Variants in RAP1GAP2 observed in about 807,000 individuals in gnomAD.
RAP1GAP2 encodes the protein rap1 GTPase-activating protein 2.
In RAP1GAP2, 27 loss-of-function variants were observed where a neutral mutation model predicts 95.0. That is an observed-to-expected ratio of 0.28 (90% CI 0.21 to 0.39). The LOEUF (loss-of-function observed/expected upper bound fraction) is 0.39. Among genes scored for constraint, RAP1GAP2 ranks in the 10% least tolerant of loss-of-function variants. The pLI is 1.00. For synonymous variants in RAP1GAP2, 373 were observed against 380.9 expected, an observed-to-expected ratio of 0.98 and a Z score of 0.24; for missense variants, 771 against 970.0, an observed-to-expected ratio of 0.79 and a Z score of 2.72.
At position 3,017,996 on chromosome 17, in the gene RAP1GAP2, G is replaced by A. The variant is rs761225168; in HGVS notation, c.1495-65G>A. On this transcript the variant is annotated intron_variant, in intron 17 of 24. Coordinates refer to ENST00000254695, the MANE Select transcript of RAP1GAP2 (RefSeq NM_015085.5). Reference sequence around the variant, plus strand: ...TGAGGGCTGTGTCTACAGACCCCACGAGGAGGGCAGAGTCATCCGGAGAGC... The same window carrying A: ...TGAGGGCTGTGTCTACAGACCCCACAAGGAGGGCAGAGTCATCCGGAGAGC... 39 of 1,508,718 alleles carry A rather than the reference G, an allele frequency of 2.6e-5. 1 individual carries two copies. Among genetic ancestry groups the A allele is most frequent in the South Asian group, 1.5e-4 (12 of 79,516 alleles). 93.5% of individuals were successfully genotyped at this position (1,508,718 alleles called of 1,614,324 possible).
chr17:2,882,020 C>G (rs887213907), intron 2 of RAP1GAP2, among the ~76,000 whole-genome samples: 11 of 150,592 alleles, frequency 7.3e-5, no homozygotes, highest in African/African-American at 2.4e-4. Context: ...TGGGGTTTCA[C>G]TGTGTTAGCC....
intron 2 of RAP1GAP2, among the ~76,000 whole-genome samples, chr17:2,887,768 G>A (rs914215421): frequency 1.3e-5 from 2 of 150,386 alleles, no homozygotes; most frequent in Admixed American, 1.3e-4. Flanking sequence ...TATGCCTCCC[G>A]GGTTCAAGCA....
At chr17:3,009,199 G>A (rs2046432026) in intron 17 of RAP1GAP2, among the ~76,000 whole-genome samples, 3 of 152,160 alleles carry the variant, frequency 2.0e-5, no homozygotes, top group Non-Finnish European at 4.4e-5. Context: ...CCCTGTCAGA[G>A]CCATTGTGCG....
chr17:2,844,218 C>T (rs531377217), intron 2 of RAP1GAP2, among the ~76,000 whole-genome samples: 10 of 152,108 alleles, frequency 6.6e-5, no homozygotes, highest in South Asian at 2.1e-4. Context: ...GATGGTGTTT[C>T]GCCATTTTAA....
chr17:2,834,581 G>A (rs115386473), intron 2 of RAP1GAP2, among the ~76,000 whole-genome samples: 3,079 of 152,202 alleles, frequency 0.02, 96 homozygotes, highest in African/African-American at 0.07. Flanking sequence ...CAGATGGCTC[G>A]AGCCCAGGAG....
At chr17:2,761,840 C>T (rs2071255552) in intron 1 of RAP1GAP2, among the ~76,000 whole-genome samples, 1 of 152,060 alleles carries the variant, frequency 6.6e-6, no homozygotes, top group Non-Finnish European at 1.5e-5. Context: ...TCCCCATCAA[C>T]ACTTGTTATT....
At chr17:2,985,369 G>A (rs1284482792) in intron 11 of RAP1GAP2, among the ~76,000 whole-genome samples, 1 of 151,910 alleles carries the variant, frequency 6.6e-6, no homozygotes, top group East Asian at 1.9e-4. Flanking sequence ...AGAAAAACCA[G>A]ACTAGGTCAA....
At chr17:2,763,123 TATATTC>T (rs2068214113) in intron 1 of RAP1GAP2, among the ~76,000 whole-genome samples, 1 of 152,208 alleles carries the variant, frequency 6.6e-6, no homozygotes, top group Non-Finnish European at 1.5e-5. Context: ...TACTTTTCCT[TATATTC>T]AATGCAATCC....
chr17:2,947,846 C>T (rs1030250038), intron 3 of RAP1GAP2, among the ~76,000 whole-genome samples: 1 of 152,132 alleles, frequency 6.6e-6, no homozygotes, highest in African/African-American at 2.4e-5. Flanking sequence ...AATCCTTTTC[C>T]TTGGTCATGT....
chr17:2,788,906 A>T (rs942109813), intron 1 of RAP1GAP2, among the ~76,000 whole-genome samples: 1 of 152,170 alleles, frequency 6.6e-6, no homozygotes, highest in African/African-American at 2.4e-5. Context: ...TTCCAGAAAC[A>T]ACTCACAGAC....
chr17:2,891,472 A>G (rs911230737), intron 2 of RAP1GAP2, among the ~76,000 whole-genome samples: 5 of 151,754 alleles, frequency 3.3e-5, no homozygotes, highest in African/African-American at 9.7e-5. Context: ...TTCTACCACA[A>G]TTACTTTAAT....
chr17:3,015,776 C>G (rs549555121), intron 17 of RAP1GAP2, among the ~76,000 whole-genome samples: 1 of 152,146 alleles, frequency 6.6e-6, no homozygotes, highest in Non-Finnish European at 1.5e-5. Context: ...GAGATCGTGC[C>G]ACACGCTGTA....
Position 2,963,548 on chromosome 17 carries a change from A to C in RAP1GAP2, c.279+86A>C, listed in dbSNP as rs1419447837. The C allele has an allele frequency of 1.1e-5, 17 of 1,562,618 alleles. No individual in the cohort carries two copies. The highest frequency in any genetic ancestry group is 1.3e-5 in the Non-Finnish European group (15 of 1,134,162). ...GAAATGATGGCGATGGCCTGTGCCC[A>C]GCCCCCCAGGGGAGAGAACCTTGGG... On this transcript the variant is annotated intron_variant, in intron 6 of 24. Transcript: ENST00000254695. The surrounding 1 kb of genome is among the most constrained non-coding windows in gnomAD (Gnocchi z 4.8).
chr17:2,936,139 G>A (rs376833152), intron 3 of RAP1GAP2, among the ~76,000 whole-genome samples: 1 of 151,280 alleles, frequency 6.6e-6, no homozygotes, highest in African/African-American at 2.4e-5. Flanking sequence ...TAAGTTTTAG[G>A]GTACATGTGC....
chr17:2,924,807 C>T (rs34797234), intron 3 of RAP1GAP2, among the ~76,000 whole-genome samples: 9,591 of 152,224 alleles, frequency 0.063, 349 homozygotes, highest in African/African-American at 0.099. Flanking sequence ...CCTATCTCCT[C>T]CCTGGCCCCT....
At chr17:3,022,441 G>T (rs2046992613) in intron 19 of RAP1GAP2, among the ~76,000 whole-genome samples, 1 of 152,114 alleles carries the variant, frequency 6.6e-6, no homozygotes, top group Admixed American at 6.5e-5. Flanking sequence ...GAGAACGGTT[G>T]TCTGTGAAAA....
rs539394553 is a variant in RAP1GAP2 at position 2,813,399 on chromosome 17, A to G, written c.80+12849A>G. Among the ~76,000 whole-genome samples, 6 of 152,246 alleles carry G rather than the reference A, an allele frequency of 3.9e-5. No individual in the cohort carries two copies. The South Asian group carries it at 6.2e-4, about 16-fold the overall frequency. ...TATACTTTTAAAAGATCCCCCGTTC[A>G]TTCCAATAGGCAGCCAAACCTGGGA... On this transcript the variant is annotated intron_variant, in intron 2 of 24. Coordinates refer to ENST00000254695, the MANE Select transcript of RAP1GAP2 (RefSeq NM_015085.5).
At chr17:2,999,945 A>C (rs76030734) in intron 14 of RAP1GAP2, among the ~76,000 whole-genome samples, 3,805 of 151,956 alleles carry the variant, frequency 0.025, 147 homozygotes, top group African/African-American at 0.084. Flanking sequence ...GTGAGCATTT[A>C]TTTTCTTTTC....
intron 19 of RAP1GAP2, among the ~76,000 whole-genome samples, chr17:3,024,535 G>A (rs1023132403): frequency 6.6e-6 from 1 of 152,098 alleles, no homozygotes. Context: ...AAGCAATTCC[G>A]CTCCTAGGTG....
Sources: allele counts gnomAD v4.1 joint callset (sites outside exome capture counted in the v4.1 genomes callset), GRCh38; gene constraint gnomAD v4.1.1; non-coding constraint Gnocchi (gnomAD v3.1); transcripts MANE v1.5; gene names NCBI Gene and HGNC (gene_info 2026-07-23, HGNC 2026-07-21).